The following MICU2 variants were observed in gnomAD, a reference collection of about 807,000 sequenced individuals.
MICU2 encodes calcium uptake protein 2, mitochondrial.
Under a neutral mutation model 60.4 loss-of-function variants are expected in MICU2, and 64 were observed. The ratio of observed to expected loss-of-function variants is 1.06; its 90% CI spans 0.87 to 1.31. MICU2 has a LOEUF of 1.31. Among genes scored for constraint, MICU2 ranks in the 50% most tolerant of loss-of-function variants. MICU2 has a pLI of 0.00. For synonymous variants in MICU2, 201 were observed against 175.0 expected (o/e 1.15, Z -1.17); for missense variants, 569 against 531.0 (o/e 1.07, Z -0.70).
At chr13:21,514,603 G>A (rs538547109) in intron 6 of MICU2, among the ~76,000 whole-genome samples, 185 bp from the exon 7 acceptor site, 4 of 151,552 alleles carry the variant, frequency 2.6e-5, no homozygotes, top group African/African-American at 7.3e-5. Flanking sequence ...GCGCAATCTC[G>A]GCTTACTGCA....
intron 1 of MICU2, among the ~76,000 whole-genome samples, chr13:21,592,985 G>A (rs970548821): frequency 2.6e-5 from 4 of 152,130 alleles, no homozygotes; most frequent in African/African-American, 7.2e-5. Context: ...CTCACCACTC[G>A]TATTCAACAG....
In MICU2 at chr13:21,521,310, G is replaced by C; in HGVS notation, c.532C>G (p.His178Asp). Reference protein sequence around the residue: ...TILTKPHSGFHVAFKMLDTDG... With the variant: ...TILTKPHSGFDVAFKMLDTDG... ...GTATCCAGCATTTTAAAAGCAACAT[G>C]AAATCCAGAATGGGGTTCTGCAGTG... The change falls in exon 6 of 12, where the codon CAT becomes GAT. Residue 178 changes from histidine to aspartate, a missense_variant. Coordinates refer to ENST00000382374, the MANE Select transcript of MICU2 (RefSeq NM_152726.3). 1 of 1,609,254 alleles carries C rather than the reference G, an allele frequency of 6.2e-7. No individual in the cohort carries two copies. Among genetic ancestry groups the C allele is most frequent in the South Asian group, 1.1e-5 (1 of 89,870 alleles).
chr13:21,497,326 C>T (rs1282875414), intron 9 of MICU2, among the ~76,000 whole-genome samples: 3 of 152,094 alleles, frequency 2.0e-5, no homozygotes, highest in African/African-American at 7.2e-5. Context: ...GATCGCGCCA[C>T]TGCACTCCAG....
chr13:21,544,909 C>T (rs557150009), intron 2 of MICU2, among the ~76,000 whole-genome samples: 1 of 152,258 alleles, frequency 6.6e-6, no homozygotes, highest in South Asian at 2.1e-4. Flanking sequence ...ACCTCAGCCT[C>T]CCAAAGTGCT....
intron 2 of MICU2, among the ~76,000 whole-genome samples, chr13:21,541,913 G>A (rs1190089883): frequency 1.3e-5 from 2 of 152,018 alleles, no homozygotes; most frequent in Non-Finnish European, 2.9e-5. Flanking sequence ...AGTTTAAGTT[G>A]TAAAAACATC....
chr13:21,520,951 ATATATATCC>A (rs1886703213), intron 6 of MICU2, among the ~76,000 whole-genome samples: 1 of 152,120 alleles, frequency 6.6e-6, no homozygotes, highest in South Asian at 2.1e-4. Flanking sequence ...TCTTTAAAAA[ATATATATCC>A]TATGAAACTC....
intron 4 of MICU2, among the ~76,000 whole-genome samples, chr13:21,530,328 TCTC>T (rs1472672190): frequency 6.6e-6 from 1 of 152,164 alleles, no homozygotes. Context: ...CCCCTTCCCC[TCTC>T]ATCATGCTCA....
rs941417479 is a variant in MICU2 at position 21,515,683 on chromosome 13, T to C, written c.598-1265A>G. The C allele has an allele frequency of 1.1e-5, 3 of 272,554 alleles. No individual in the cohort carries two copies. The Admixed American group carries it at 1.2e-4, about 11-fold the overall frequency. 16.9% of individuals were successfully genotyped at this position (272,554 alleles called of 1,614,324 possible). On this transcript the variant is annotated intron_variant, in intron 6 of 11. Transcript: ENST00000382374. ...CCTCTATCCATTTTTTTCTGGGCTA[T>C]TTAACAGTTTGAAAACTGCTGCAAT...
intron 2 of MICU2, among the ~76,000 whole-genome samples, chr13:21,563,311 C>T (rs536305219): frequency 2.0e-5 from 3 of 152,030 alleles, no homozygotes; most frequent in African/African-American, 7.2e-5. Context: ...AAAAATTAGT[C>T]GGGCGTGGTG....
At chr13:21,500,342 G>A (rs1886114355) in intron 9 of MICU2, among the ~76,000 whole-genome samples, 1 of 150,810 alleles carries the variant, frequency 6.6e-6, no homozygotes, top group South Asian at 2.1e-4. Context: ...TTCACATGTT[G>A]ATTTTCAAGT....
chr13:21,581,388 G>C (rs920567802), intron 1 of MICU2, among the ~76,000 whole-genome samples: 7 of 152,170 alleles, frequency 4.6e-5, no homozygotes, highest in African/African-American at 1.7e-4. Flanking sequence ...AAAGTGCTGG[G>C]ATTACAGGTG....
intron 4 of MICU2, among the ~76,000 whole-genome samples, chr13:21,534,177 C>A (rs1887077608): frequency 6.6e-6 from 1 of 150,596 alleles, no homozygotes; most frequent in Non-Finnish European, 1.5e-5. Flanking sequence ...ACCAAGTAAT[C>A]CTTTTTAAAT....
At chr13:21,583,617 A>G (rs953794259) in intron 1 of MICU2, among the ~76,000 whole-genome samples, 10 of 152,172 alleles carry the variant, frequency 6.6e-5, no homozygotes, top group Admixed American at 2.0e-4. Context: ...TTTCCTTTGC[A>G]GTAGGGCAGT....
intron 9 of MICU2, among the ~76,000 whole-genome samples, chr13:21,501,475 G>A (rs1239665975): frequency 6.6e-6 from 1 of 152,138 alleles, no homozygotes; most frequent in Non-Finnish European, 1.5e-5. Context: ...TGTTAACCAG[G>A]ATGGTCTTGA....
chr13:21,571,445 C>T (rs978774050), intron 1 of MICU2, among the ~76,000 whole-genome samples: 1 of 152,190 alleles, frequency 6.6e-6, no homozygotes, highest in Admixed American at 6.5e-5. Context: ...CGCCTGTAAT[C>T]CCAGCACTTT....
At chr13:21,530,799 T>C in intron 4 of MICU2, 1 of 686,086 alleles carries the variant, frequency 1.5e-6, no homozygotes, top group Non-Finnish European at 2.6e-6. Context: ...CAGGAAGAGA[T>C]GGCGGCCGAG....
At chr13:21,563,023 T>C (rs1887885791) in intron 2 of MICU2, among the ~76,000 whole-genome samples, 2 of 152,236 alleles carry the variant, frequency 1.3e-5, no homozygotes, top group Non-Finnish European at 2.9e-5. Flanking sequence ...TCTACATTGG[T>C]AAATTTTTCT....
rs113779425 is a variant in MICU2 at position 21,497,200 on chromosome 13, GA to G, written c.934-1041del. The stretch of plus-strand genomic sequence containing the variant: ...CCAGTCTGGTCAACATGGTGAAAAA[GA>G]AAAAAAAAAAAAAATTAGCTGGGTG... On this transcript the variant is annotated intron_variant, in intron 9 of 11. Transcript: ENST00000382374. 6.8e-3 allele frequency among the ~76,000 whole-genome samples: 797 copies of G among 117,788 alleles called. 1 individual carries two copies. The highest frequency in any genetic ancestry group is 0.014 in the African/African-American group (469 of 32,642). The allele number at this position is 117,788 out of a possible 152,430, so 77.3% of individuals were successfully genotyped here.
intron 2 of MICU2, among the ~76,000 whole-genome samples, chr13:21,543,268 G>C (rs1887326768): frequency 6.6e-6 from 1 of 152,140 alleles, no homozygotes; most frequent in Non-Finnish European, 1.5e-5. Flanking sequence ...GAACTGAAAT[G>C]AGACAAGGAT....
Sources: allele counts gnomAD v4.1 joint callset (sites outside exome capture counted in the v4.1 genomes callset), GRCh38; gene constraint gnomAD v4.1.1; transcripts MANE v1.5; gene names NCBI Gene and HGNC (gene_info 2026-07-23, HGNC 2026-07-21).